Variants in COMMD10 observed in about 807,000 individuals in gnomAD.
COMMD10 encodes the protein COMM domain-containing protein 10.
Under a neutral mutation model 28.9 loss-of-function variants are expected in COMMD10, and 33 were observed. The observed-to-expected ratio is 1.14, with a 90% CI of 0.87 to 1.53. The LOEUF (loss-of-function observed/expected upper bound fraction) is 1.53, where lower values mean the gene tolerates loss of function less well. Among genes scored for constraint, COMMD10 ranks in the 40% most tolerant of loss-of-function variants. COMMD10 has a pLI of 0.00. For synonymous variants in COMMD10, 110 were observed against 81.7 expected (o/e 1.35, Z -1.87); for missense variants, 310 against 233.4 (o/e 1.33, Z -2.14).
chr5:116,155,897 TATAAG>T (rs556424558), intron 5 of COMMD10, among the ~76,000 whole-genome samples: 121 of 152,212 alleles, frequency 7.9e-4, no homozygotes, highest in African/African-American at 2.7e-3. Flanking sequence ...CATTTATTAA[TATAAG>T]AGAAAATTAT....
At chr5:116,222,465 A>G (rs1374113444) in intron 5 of COMMD10, among the ~76,000 whole-genome samples, 1 of 152,170 alleles carries the variant, frequency 6.6e-6, no homozygotes, top group Non-Finnish European at 1.5e-5. Context: ...AAATTGACTC[A>G]TTGACTCATC....
chr5:116,177,461 C>G (rs1287354505), intron 5 of COMMD10, among the ~76,000 whole-genome samples: 1 of 151,958 alleles, frequency 6.6e-6, no homozygotes, highest in Admixed American at 6.6e-5. Context: ...CCTCTTCCAA[C>G]CTAGTGTCAT....
Position 116,265,316 on chromosome 5 carries a change from C to G in COMMD10, c.511-26201C>G, listed in dbSNP as rs559523083. Among the ~76,000 whole-genome samples, 13 of 151,606 alleles carry G rather than the reference C, an allele frequency of 8.6e-5. No homozygotes were observed. In the South Asian group the frequency reaches 2.7e-3, roughly 32 times the overall value. On this transcript the variant is annotated intron_variant, in intron 5 of 6. Coordinates refer to ENST00000274458, the MANE Select transcript of COMMD10 (RefSeq NM_016144.4). ...TTCTGATAATACTGTTGAAATTGAC[C>G]TTGATTATTCATGTAAAGGGCCTCT...
chr5:116,211,671 C>G (rs541000101), intron 5 of COMMD10, among the ~76,000 whole-genome samples: 12 of 152,168 alleles, frequency 7.9e-5, no homozygotes, highest in East Asian at 5.8e-4. Flanking sequence ...GATGCATTTT[C>G]AATTGCTTCT....
chr5:116,218,104 C>T (rs189525989), intron 5 of COMMD10: 4 of 1,314,062 alleles, frequency 3.0e-6, no homozygotes, highest in African/African-American at 2.9e-5. Flanking sequence ...TATTCCCCTC[C>T]TTGCCAGCAT....
intron 5 of COMMD10, among the ~76,000 whole-genome samples, chr5:116,178,606 A>G (rs566156809): frequency 2.6e-5 from 4 of 152,234 alleles, no homozygotes; most frequent in African/African-American, 7.2e-5. Flanking sequence ...TCCTGTCCCT[A>G]AAAACATTCA....
At chr5:116,250,868 C>CTGGGTTT (rs1290026058) in intron 5 of COMMD10, among the ~76,000 whole-genome samples, 2 of 151,970 alleles carry the variant, frequency 1.3e-5, no homozygotes, top group African/African-American at 4.8e-5. Flanking sequence ...AGATTAGAAA[C>CTGGGTTT]CAGTCTGATT....
chr5:116,263,926 G>T (rs942834089), intron 5 of COMMD10, among the ~76,000 whole-genome samples: 2 of 151,712 alleles, frequency 1.3e-5, no homozygotes, highest in East Asian at 3.9e-4. Flanking sequence ...AGCCATGGTC[G>T]CTCATATTTG....
At chr5:116,223,940 C>A (rs1362773119) in intron 5 of COMMD10, among the ~76,000 whole-genome samples, 2 of 152,092 alleles carry the variant, frequency 1.3e-5, no homozygotes, top group African/African-American at 4.8e-5. Context: ...GTGCTGAATT[C>A]ATTTTATAAA....
chr5:116,222,941 T>G (rs1372163060), intron 5 of COMMD10, among the ~76,000 whole-genome samples: 1 of 152,122 alleles, frequency 6.6e-6, no homozygotes, highest in Non-Finnish European at 1.5e-5. Flanking sequence ...TCCACCCACC[T>G]CAGCCTCCAA....
intron 5 of COMMD10, among the ~76,000 whole-genome samples, chr5:116,250,441 TA>T (rs371215614): frequency 1.3e-3 from 203 of 151,562 alleles, no homozygotes; most frequent in Admixed American, 2.2e-3. Flanking sequence ...TTTTTATACA[TA>T]ATTGGAGATA....
intron 5 of COMMD10, among the ~76,000 whole-genome samples, chr5:116,262,515 A>G (rs1418562303): frequency 6.6e-6 from 1 of 151,766 alleles, no homozygotes; most frequent in Non-Finnish European, 1.5e-5. Context: ...ATTAACCATT[A>G]AAATATGATT....
intron 2 of COMMD10, among the ~76,000 whole-genome samples, chr5:116,088,117 TTTAG>T (rs1447783955): frequency 1.3e-5 from 2 of 152,226 alleles, no homozygotes; most frequent in African/African-American, 4.8e-5. Context: ...TCCAAGTTAA[TTTAG>T]TTAATTTCTT....
chr5:116,174,409 A>T (rs535079467), intron 5 of COMMD10, among the ~76,000 whole-genome samples: 7 of 152,272 alleles, frequency 4.6e-5, no homozygotes, highest in African/African-American at 1.7e-4. Flanking sequence ...AATTTTCCTC[A>T]AAATGGAGGA....
intron 5 of COMMD10, among the ~76,000 whole-genome samples, chr5:116,269,520 G>T (rs1197511385): frequency 2.0e-5 from 3 of 151,562 alleles, no homozygotes; most frequent in Admixed American, 2.0e-4. Context: ...AATTGGATTA[G>T]TCCAAGTGAT....
In COMMD10 at chr5:116,231,998, A is replaced by G. The variant is rs538923888; in HGVS notation, c.511-59519A>G. Among the ~76,000 whole-genome samples, 13 of 152,234 alleles carry G rather than the reference A, an allele frequency of 8.5e-5. No homozygotes were observed. The East Asian group carries it at 2.3e-3, about 27-fold the overall frequency. ...CCTCCATGGCAAAGGGGTCATCTAA[A>G]TTAGTTGTAGTCAGCTGCACCAAGC... is the stretch of plus-strand genomic sequence containing the variant. On this transcript the variant is annotated intron_variant, in intron 5 of 6. Transcript: ENST00000274458.
chr5:116,111,314 T>C (rs1278403299), intron 4 of COMMD10, among the ~76,000 whole-genome samples: 1 of 151,878 alleles, frequency 6.6e-6, no homozygotes, highest in Non-Finnish European at 1.5e-5. Flanking sequence ...GCTAATTTTG[T>C]GTTTGGTTCG....
intron 5 of COMMD10, among the ~76,000 whole-genome samples, chr5:116,207,824 T>C (rs1383406484): frequency 6.6e-6 from 1 of 152,114 alleles, no homozygotes; most frequent in Non-Finnish European, 1.5e-5. Context: ...CTGCCAAAAA[T>C]CAGTATTTTC....
rs188308149 is a variant in COMMD10 at position 116,096,834 on chromosome 5, C to G, written c.399+4134C>G. Among the ~76,000 whole-genome samples, 248 of 152,004 alleles carry G rather than the reference C, an allele frequency of 1.6e-3. 2 individuals are homozygous for G. Among genetic ancestry groups the G allele is most frequent in the African/African-American group, 5.6e-3 (232 of 41,522 alleles). ...TTTATCATTTTAAAGTCTACTTTTT[C>G]CTATATCCTCTATAGATTTTAAGCT... is the stretch of plus-strand genomic sequence containing the variant. On this transcript the variant is annotated intron_variant, in intron 4 of 6. Coordinates refer to ENST00000274458, the MANE Select transcript of COMMD10 (RefSeq NM_016144.4).
Sources: gnomAD v4.1 joint callset for allele counts (sites outside exome capture counted in the v4.1 genomes callset) on GRCh38, gnomAD v4.1.1 for gene constraint, MANE v1.5 for transcripts, NCBI Gene and HGNC (gene_info 2026-07-23, HGNC 2026-07-21) for gene names.